The following CNIH3 variants were observed in gnomAD, a reference collection of about 807,000 sequenced individuals.
CNIH3 encodes protein cornichon homolog 3.
A neutral mutation model predicts 24.1 loss-of-function variants in CNIH3; 14 were observed. The ratio of observed to expected loss-of-function variants is 0.58; its 90% CI spans 0.38 to 0.91. CNIH3 has a LOEUF of 0.91. CNIH3 is among the 40% of genes least tolerant of loss of function. The pLI is 0.00. For synonymous variants in CNIH3, 68 were observed against 73.8 expected (o/e 0.92, Z 0.40); for missense variants, 178 against 196.8 (o/e 0.90, Z 0.57).
Position 224,616,856 on chromosome 1 carries a change from T to G in CNIH3, c.-319T>G. 1.7e-6 allele frequency: 2 copies of G among 1,180,344 alleles called. No homozygotes were observed. Among genetic ancestry groups the G allele is most frequent in the South Asian group, 6.2e-5 (2 of 32,362 alleles). The allele number at this position is 1,180,344 out of a possible 1,614,324, so 73.1% of individuals were successfully genotyped here. On this transcript the variant is annotated 5_prime_UTR_variant, in exon 1 of 6. Transcript: ENST00000272133. ...GCTTGTCGTGTTGGTCTCGAGGGGC[T>G]CACAGCTTGGCACTAATTTGCAGGT...
At chr1:224,482,211 G>T (rs1282914572) in intron 1 of CNIH3, among the ~76,000 whole-genome samples, 1 of 152,144 alleles carries the variant, frequency 6.6e-6, no homozygotes, top group African/African-American at 2.4e-5. Flanking sequence ...GACCCCAAGA[G>T]CCTGGTTGGT....
intron 1 of CNIH3, among the ~76,000 whole-genome samples, chr1:224,664,351 G>A (rs910084632): frequency 3.3e-5 from 5 of 152,184 alleles, no homozygotes; most frequent in Admixed American, 3.3e-4. Context: ...AAAACCATCA[G>A]CATAAGTTCT....
chr1:224,568,760 A>G (rs2124996615), intron 4 of CNIH3, among the ~76,000 whole-genome samples: 1 of 152,316 alleles, frequency 6.6e-6, no homozygotes, highest in East Asian at 1.9e-4. Flanking sequence ...TCTCTAAAAT[A>G]TAAAAAGAAT....
chr1:224,474,615 G>C (rs1413099862), intron 1 of CNIH3, among the ~76,000 whole-genome samples: 1 of 152,054 alleles, frequency 6.6e-6, no homozygotes, highest in Non-Finnish European at 1.5e-5. Context: ...GCAGAAATAA[G>C]TGAGATTGAA....
In CNIH3 at chr1:224,508,451, T is replaced by C. The variant is rs963264535; in HGVS notation, n.204-7290T>C. ...TCCTAAGATGTGATTTTTAACTTAA[T>C]GGTCAATGACTTAGGTTGCAGTCTG... On this transcript the variant is annotated intron_variant and non_coding_transcript_variant, in intron 1 of 5. Coordinates refer to the CNIH3 transcript ENST00000471578. Among the ~76,000 whole-genome samples the C allele has an allele frequency of 6.6e-5, 10 of 152,376 alleles. No homozygotes were observed. The East Asian group carries it at 1.9e-3, about 29-fold the overall frequency.
At chr1:224,506,293 A>ACC (rs1337877228) in intron 1 of CNIH3, among the ~76,000 whole-genome samples, 1 of 150,602 alleles carries the variant, frequency 6.6e-6, no homozygotes, top group African/African-American at 2.5e-5. Context: ...GCGCGCACAC[A>ACC]CACACACACA....
chr1:224,633,945 C>T (rs1445323227), intron 1 of CNIH3, among the ~76,000 whole-genome samples: 2 of 152,270 alleles, frequency 1.3e-5, no homozygotes, highest in African/African-American at 2.4e-5. Flanking sequence ...GTGCCACAGA[C>T]TCTTTGATGT....
intron 1 of CNIH3, among the ~76,000 whole-genome samples, chr1:224,676,053 C>T (rs189878833): frequency 1.1e-3 from 174 of 151,922 alleles, no homozygotes; most frequent in African/African-American, 3.9e-3. Flanking sequence ...ATGTTTATAG[C>T]AGCTTTATTC....
At chr1:224,649,889 G>A (rs546834953) in intron 1 of CNIH3, among the ~76,000 whole-genome samples, 3 of 152,298 alleles carry the variant, frequency 2.0e-5, no homozygotes, top group African/African-American at 7.2e-5. Flanking sequence ...AGCTTAAACA[G>A]CCAGGCAGAA....
At chr1:224,645,177 T>C (rs1327620332) in intron 1 of CNIH3, among the ~76,000 whole-genome samples, 1 of 152,190 alleles carries the variant, frequency 6.6e-6, no homozygotes, top group Non-Finnish European at 1.5e-5. Flanking sequence ...GCTTACCTTA[T>C]GCCTCTCCCT....
chr1:224,613,715 C>G (rs1364619311), upstream of CNIH3, among the ~76,000 whole-genome samples: 1 of 152,120 alleles, frequency 6.6e-6, no homozygotes, highest in Non-Finnish European at 1.5e-5. Flanking sequence ...CTTGCTCTTG[C>G]TTTTGCCATG....
intron 1 of CNIH3, chr1:224,437,100 T>G (rs1674701680): frequency 6.6e-6 from 1 of 152,200 alleles, no homozygotes; most frequent in Non-Finnish European, 1.5e-5. Context: ...GTGATGTAAC[T>G]TGCTAAGACC....
chr1:224,549,584 G>A (rs1285153486), intron 3 of CNIH3, among the ~76,000 whole-genome samples: 2 of 152,044 alleles, frequency 1.3e-5, no homozygotes, highest in African/African-American at 4.8e-5. Context: ...ATTAATATCA[G>A]AGGCTGTAAA....
chr1:224,681,133 C>A, intron 2 of CNIH3, 107 bp downstream of exon 2: 1 of 936,998 alleles, frequency 1.1e-6, no homozygotes, highest in South Asian at 1.4e-5. Context: ...AGAACATGCT[C>A]GCCCTCACTG....
At chr1:224,439,121 A>T (rs1453576483) in intron 1 of CNIH3, among the ~76,000 whole-genome samples, 1 of 152,194 alleles carries the variant, frequency 6.6e-6, no homozygotes, top group Non-Finnish European at 1.5e-5. Flanking sequence ...GGTGAAGGGC[A>T]TAGTCATCTG....
intron 3 of CNIH3, among the ~76,000 whole-genome samples, chr1:224,716,292 G>A (rs1469572563): frequency 6.6e-6 from 1 of 152,120 alleles, no homozygotes; most frequent in South Asian, 2.1e-4. Flanking sequence ...CTCACCATAT[G>A]TTTCTTCATG....
At chr1:224,562,892 TA>T (rs1680431311) in intron 3 of CNIH3, among the ~76,000 whole-genome samples, 1 of 152,146 alleles carries the variant, frequency 6.6e-6, no homozygotes. Context: ...GAGTCCTGAT[TA>T]AAAGATAACA....
intron 1 of CNIH3, among the ~76,000 whole-genome samples, chr1:224,475,407 A>T (rs1022830859): frequency 2.0e-5 from 3 of 152,080 alleles, no homozygotes; most frequent in African/African-American, 7.2e-5. Flanking sequence ...CAAGGGAGAC[A>T]TTACAACGGA....
intron 1 of CNIH3, among the ~76,000 whole-genome samples, chr1:224,463,258 C>G (rs1273165116): frequency 6.6e-6 from 1 of 152,126 alleles, no homozygotes; most frequent in Non-Finnish European, 1.5e-5. Context: ...TTTCCATTCC[C>G]AATGATGTGT....
Sources: allele counts gnomAD v4.1 joint callset (sites outside exome capture counted in the v4.1 genomes callset), GRCh38; gene constraint gnomAD v4.1.1; transcripts MANE v1.5; gene names NCBI Gene and HGNC (gene_info 2026-07-23, HGNC 2026-07-21).